KL: variants seen among roughly 807,000 people sequenced by gnomAD.
KL encodes klotho.
A neutral mutation model predicts 84.2 loss-of-function variants in KL; 62 were observed. That is an observed-to-expected ratio of 0.74 (90% CI 0.60 to 0.91). KL has a LOEUF of 0.91. Among genes scored for constraint, KL ranks in the 40% least tolerant of loss-of-function variants. The pLI is 0.00. For synonymous variants in KL, 528 were observed against 528.0 expected, an observed-to-expected ratio of 1.00 and a Z score of 0.00; for missense variants, 1,261 against 1,305.7, an observed-to-expected ratio of 0.97 and a Z score of 0.53.
In KL at chr13:33,016,436, G is replaced by A; in HGVS notation, c.-5G>A. On this transcript the variant is annotated 5_prime_UTR_variant, in exon 1 of 5. Coordinates refer to ENST00000380099, the MANE Select transcript of KL (RefSeq NM_004795.4). ...CGGGGCCCCGGAGCCTGGCTCCCGC[G>A]CAGCATGCCCGCCAGCGCCCCGCCG... 1 of 946,838 alleles carries A rather than the reference G, an allele frequency of 1.1e-6. No homozygotes were observed. The highest frequency in any genetic ancestry group is 1.2e-6 in the Non-Finnish European group (1 of 801,514). The allele number at this position is 946,838 out of a possible 1,614,324, so 58.7% of individuals were successfully genotyped here. A position where few individuals can be genotyped will look rare whatever the true frequency, so the allele number is the denominator to read the frequency against.
intron 1 of KL, among the ~76,000 whole-genome samples, chr13:33,041,710 A>C (rs963051604): frequency 4.0e-5 from 6 of 151,690 alleles, no homozygotes; most frequent in Non-Finnish European, 8.8e-5. Context: ...CACTTGCTCA[A>C]CTCTGCCTGG....
In KL at chr13:33,061,090, C is replaced by A; in HGVS notation, c.2011C>A (p.Arg671=). 1.9e-6 allele frequency: 3 copies of A among 1,613,570 alleles called. No homozygotes were observed. The highest frequency in any genetic ancestry group is 1.1e-5 in the South Asian group (1 of 90,950). Residue 671 remains arginine (R), a synonymous_variant, in exon 4 of 5, where the codon CGA becomes AGA. Transcript: ENST00000380099. ...YTALAFAEYA[R]LCFQELGHHV... is the part of the protein sequence containing the mutation. ...TGCCCTGGCCTTTGCAGAGTATGCC[C>A]GACTGTGCTTTCAAGAGCTCGGCCA...
chr13:33,062,379 CA>C (rs34867837), intron 4 of KL, among the ~76,000 whole-genome samples: 39 of 141,668 alleles, frequency 2.8e-4, no homozygotes, highest in South Asian at 1.1e-3. Context: ...GACACTATTT[CA>C]AAAAAAAAAA....
At position 33,016,787 on chromosome 13, in the gene KL, C is replaced by T; in HGVS notation, c.347C>T (p.Pro116Leu). ...AGTCTGCCGTTGGGCGCCCCGTCGCCGCTGCAGCCCGCCACCGGGGACGTA... is the reference window on the plus strand; with the variant it reads ...AGTCTGCCGTTGGGCGCCCCGTCGCTGCTGCAGCCCGCCACCGGGGACGTA... ...NASLPLGAPS[P>L]LQPATGDVAS... The change falls in exon 1 of 5, where the codon CCG (proline) becomes CTG (leucine). Residue 116 changes from proline to leucine, a missense_variant. Pro to Leu is a moderately conservative substitution (Grantham distance 98). Transcript: ENST00000380099. 5 of 1,612,098 alleles carry T rather than the reference C, an allele frequency of 3.1e-6. No homozygotes were observed. Among genetic ancestry groups the T allele is most frequent in the Non-Finnish European group, 4.2e-6 (5 of 1,179,592 alleles).
chr13:33,053,109 G>GC (rs1034070941), intron 1 of KL, among the ~76,000 whole-genome samples: 2 of 152,172 alleles, frequency 1.3e-5, no homozygotes, highest in African/African-American at 4.8e-5. Context: ...GTATTTTGCT[G>GC]TTTTTTGCTC....
intron 1 of KL, among the ~76,000 whole-genome samples, chr13:33,021,664 C>T (rs185823514): frequency 4.6e-5 from 7 of 152,054 alleles, no homozygotes; most frequent in Admixed American, 2.6e-4. Context: ...GGGTGGATCA[C>T]CTGAGATCAG....
At chr13:33,050,137 A>C (rs1871688755) in intron 1 of KL, among the ~76,000 whole-genome samples, 1 of 152,210 alleles carries the variant, frequency 6.6e-6, no homozygotes, top group Admixed American at 6.5e-5. Context: ...AATATTAGAC[A>C]TTTCAATTGT....
chr13:33,058,035 G>A (rs944216143), intron 3 of KL, among the ~76,000 whole-genome samples: 1 of 152,044 alleles, frequency 6.6e-6, no homozygotes, highest in East Asian at 1.9e-4. Flanking sequence ...CTGACTTTAG[G>A]CTCATTCACA....
At chr13:33,027,317 A>G (rs897352009) in intron 1 of KL, among the ~76,000 whole-genome samples, 34 of 152,158 alleles carry the variant, frequency 2.2e-4, no homozygotes, top group African/African-American at 7.7e-4. Flanking sequence ...AGGCCTCTTC[A>G]GCATAAAGAA....
intron 1 of KL, among the ~76,000 whole-genome samples, chr13:33,030,059 G>A (rs1311940741): frequency 3.3e-5 from 5 of 152,096 alleles, no homozygotes; most frequent in Non-Finnish European, 7.4e-5. Flanking sequence ...AGGTGAGAGG[G>A]CAAGAGAGAG....
intron 3 of KL, among the ~76,000 whole-genome samples, chr13:33,056,506 C>T (rs1871962386): frequency 6.6e-6 from 1 of 152,132 alleles, no homozygotes; most frequent in African/African-American, 2.4e-5. Flanking sequence ...TAAACCCTCG[C>T]CTTCCATTTA....
intron 4 of KL, among the ~76,000 whole-genome samples, chr13:33,063,055 C>T (rs190496699): frequency 4.7e-4 from 71 of 152,108 alleles, no homozygotes; most frequent in Admixed American, 1.4e-3. Flanking sequence ...AAAAGACCAC[C>T]TCTCAGGCAC....
In KL at chr13:33,054,420, T is replaced by G. The variant is rs7997728; in HGVS notation, c.1330+143T>G. ...TTTGGCAATAGTAGAATGCATTCAT[T>G]TAACACCTTTCTCATTTGGAGTCTT... is the stretch of plus-strand genomic sequence containing the variant. On this transcript the variant is annotated intron_variant, in intron 2 of 4. Coordinates refer to ENST00000380099, the MANE Select transcript of KL (RefSeq NM_004795.4). 121,997 of 827,076 alleles carry G rather than the reference T, an allele frequency of 0.15. 9,877 individuals are homozygous for G. Among genetic ancestry groups the G allele is most frequent in the African/African-American group, 0.18 (10,516 of 57,942 alleles). The allele number at this position is 827,076 out of a possible 1,614,324, so 51.2% of individuals were successfully genotyped here. A position where few individuals can be genotyped will look rare whatever the true frequency, so the allele number is the denominator to read the frequency against.
chr13:33,060,711 G>A lies in KL; in HGVS notation c.1632G>A (p.Leu544=). The A allele has an allele frequency of 2.5e-6, 4 of 1,614,196 alleles. No homozygotes were observed. The highest frequency in any genetic ancestry group is 3.4e-6 in the Non-Finnish European group (4 of 1,180,030). Residue 544 remains leucine (L), a synonymous_variant, in exon 4 of 5, where the codon CTG becomes CTA. Transcript: ENST00000380099. ...CCACTCTGTCTCAGTTTACCGACCT[G>A]AATGTTTACCTGTGGGATGTCCACC... ...VDTTLSQFTD[L]NVYLWDVHHS...
In KL at chr13:33,053,921, G is replaced by A. The variant is rs1453773670; in HGVS notation, c.974G>A (p.Gly325Asp). The A allele has an allele frequency of 1.2e-6, 2 of 1,614,046 alleles. No individual in the cohort carries two copies. The highest frequency in any genetic ancestry group is 1.1e-5 in the South Asian group (1 of 91,070). ...ECQKSLDFVL[G>D]WFAKPVFIDG... ...CAAAAATCTCTGGACTTTGTACTAG[G>A]TTGGTTTGCCAAACCCGTATTTATT... Residue 325 changes from glycine to aspartate, a missense_variant, in exon 2 of 5, where the codon GGT (glycine) becomes GAT (aspartate). Physicochemically the swap from Gly to Asp is moderately conservative, Grantham distance 94. Coordinates refer to ENST00000380099, the MANE Select transcript of KL (RefSeq NM_004795.4).
intron 1 of KL, among the ~76,000 whole-genome samples, chr13:33,025,296 G>A (rs554086536): frequency 6.6e-6 from 1 of 152,268 alleles, no homozygotes; most frequent in African/African-American, 2.4e-5. Context: ...GCTAAGTTTT[G>A]GACTTTGCAG....
At chr13:33,022,409 G>A (rs1028178520) in intron 1 of KL, among the ~76,000 whole-genome samples, 3 of 152,200 alleles carry the variant, frequency 2.0e-5, no homozygotes, top group Non-Finnish European at 2.9e-5. Context: ...TTAGGTGGAG[G>A]AGGAGAATAG....
At chr13:33,052,567 A>G (rs549340542) in intron 1 of KL, among the ~76,000 whole-genome samples, 3 of 152,338 alleles carry the variant, frequency 2.0e-5, no homozygotes, top group East Asian at 3.9e-4. Context: ...AGTTAGCCAC[A>G]AACTATCTTA....
chr13:33,039,402 A>G (rs1871255234), intron 1 of KL, among the ~76,000 whole-genome samples: 1 of 152,194 alleles, frequency 6.6e-6, no homozygotes, highest in Non-Finnish European at 1.5e-5. Context: ...ATTCCACATT[A>G]TTGGATGTTC....
Sources: gnomAD v4.1 joint callset for allele counts (sites outside exome capture counted in the v4.1 genomes callset) on GRCh38, gnomAD v4.1.1 for gene constraint, MANE v1.5 for transcripts, NCBI Gene and HGNC (gene_info 2026-07-23, HGNC 2026-07-21) for gene names.